Variants in ZNF680 observed in about 807,000 individuals in gnomAD.
ZNF680 encodes zinc finger protein 680, also known as hypothetical protein FLJ90430.
A neutral mutation model predicts 12.1 loss-of-function variants in ZNF680; 6 were observed. The ratio of observed to expected loss-of-function variants is 0.49; its 90% confidence interval spans 0.27 to 0.98. The LOEUF (loss-of-function observed/expected upper bound fraction) is 0.98. Ranked by LOEUF, ZNF680 falls within the 50% of genes least tolerant of loss-of-function variation. The pLI is 0.12. For missense variants in ZNF680, 561 were observed against 616.3 expected (o/e 0.91, Z 0.95); for synonymous variants, 170 against 199.3 (o/e 0.85, Z 1.24).
chr7:64,505,414 A>C, the ZNF680 span, among the ~76,000 whole-genome samples: 2 of 152,240 alleles, frequency 1.3e-5, no homozygotes, highest in African/African-American at 4.8e-5. Context: ...AAGGTATTTC[A>C]ATTGTAAAAA....
chr7:64,561,775 A>T (rs1329784117), intron 1 of ZNF680, among the ~76,000 whole-genome samples: 1 of 150,804 alleles, frequency 6.6e-6, no homozygotes, highest in Non-Finnish European at 1.5e-5. Flanking sequence ...CCTACTAAAA[A>T]TACAAAAAAA....
chr7:64,501,041 GAAT>G, the ZNF680 span: 1 of 735,398 alleles, frequency 1.4e-6, no homozygotes, highest in Admixed American at 2.0e-5. Flanking sequence ...GAGAAGGGCA[GAAT>G]AATTGCTGGC....
chr7:64,537,203 C>A (rs569481467), intron 3 of ZNF680, among the ~76,000 whole-genome samples: 1 of 152,254 alleles, frequency 6.6e-6, no homozygotes, highest in Non-Finnish European at 1.5e-5. Context: ...ATGAAACACA[C>A]AGGCTGGGTG....
chr7:64,532,491 C>T (rs1785941781), intron 3 of ZNF680, among the ~76,000 whole-genome samples: 1 of 151,902 alleles, frequency 6.6e-6, no homozygotes, highest in Non-Finnish European at 1.5e-5. Flanking sequence ...ACCCTCCTAC[C>T]CTGAACAGAC....
chr7:64,551,546 G>A (rs889684165), intron 1 of ZNF680: 2 of 158,602 alleles, frequency 1.3e-5, no homozygotes, highest in African/African-American at 2.4e-5. Flanking sequence ...GGCCTCCTGG[G>A]TAGGAATGCA....
chr7:64,506,046 T>G, the ZNF680 span, among the ~76,000 whole-genome samples: 1 of 152,164 alleles, frequency 6.6e-6, no homozygotes, highest in Non-Finnish European at 1.5e-5. Context: ...TGACCTAATT[T>G]TATGAGTAAT....
chr7:64,511,990 C>T, the ZNF680 span, among the ~76,000 whole-genome samples: 4 of 150,386 alleles, frequency 2.7e-5, no homozygotes, highest in Admixed American at 6.6e-5. Flanking sequence ...CCCTGGGAGG[C>T]GGAGGTTGCA....
the ZNF680 span, among the ~76,000 whole-genome samples, chr7:64,510,388 A>C: frequency 1.3e-5 from 2 of 152,084 alleles, no homozygotes; most frequent in Non-Finnish European, 2.9e-5. Flanking sequence ...CTTTAGTAAA[A>C]ACACCTACCT....
At chr7:64,507,085 G>A in the ZNF680 span, among the ~76,000 whole-genome samples, 1 of 152,142 alleles carries the variant, frequency 6.6e-6, no homozygotes, top group East Asian at 1.9e-4. Context: ...TAAAAATGTG[G>A]TATAAACAAT....
At chr7:64,511,157 C>G in the ZNF680 span, among the ~76,000 whole-genome samples, 1 of 151,784 alleles carries the variant, frequency 6.6e-6, no homozygotes, top group Non-Finnish European at 1.5e-5. Flanking sequence ...GTAATCCCAG[C>G]TACTTGGGAG....
chr7:64,528,144 G>A (rs1174655675), intron 3 of ZNF680, among the ~76,000 whole-genome samples: 1 of 152,104 alleles, frequency 6.6e-6, no homozygotes. Context: ...CAGCAGAAAA[G>A]GCCCTAGGAG....
chr7:64,502,679 C>T, the ZNF680 span, among the ~76,000 whole-genome samples: 1 of 152,116 alleles, frequency 6.6e-6, no homozygotes, highest in Non-Finnish European at 1.5e-5. Flanking sequence ...CTTTATTAAA[C>T]CAGAAATTTG....
rs3217570 is a variant in ZNF680 at position 64,544,439 on chromosome 7, AACACACACAC to A, written c.31-17_31-8del. The A allele has an allele frequency of 2.2e-5, 34 of 1,535,620 alleles. No individual in the cohort carries two copies. The highest frequency in any genetic ancestry group is 5.7e-5 in the African/African-American group (4 of 70,216). ...CCCTAAATGTCAGTGGTCCCTGAAA[AACACACACAC>A]ACACACACACACACACACACACTTA... is the stretch of plus-strand genomic sequence containing the variant. On this transcript the variant is annotated splice_region_variant and splice_polypyrimidine_tract_variant and intron_variant, in intron 1 of 3. Coordinates refer to ENST00000309683, the MANE Select transcript of ZNF680 (RefSeq NM_178558.5).
the ZNF680 span, chr7:64,501,482 G>C: frequency 2.3e-6 from 2 of 852,094 alleles, no homozygotes; most frequent in Non-Finnish European, 4.0e-6. Flanking sequence ...AAAAGGAACA[G>C]AGCAAACAAG....
Position 64,521,791 on chromosome 7 carries a change from G to A in ZNF680, c.963C>T (p.Pro321=). Residue 321 remains proline, a synonymous_variant, in exon 4 of 4, where the codon CCC becomes CCT. Coordinates refer to ENST00000309683, the MANE Select transcript of ZNF680 (RefSeq NM_178558.5). ...CTTTGCCACATTCTTCACATTTGAA[G>A]GGTTTCTCTCCAGTATGAATTCTCT... ...NHKRIHTGEK[P]FKCEECGKDF... 6.2e-7 allele frequency: 1 copy of A among 1,612,998 alleles called. No homozygotes were observed. The highest frequency in any genetic ancestry group is 8.5e-7 in the Non-Finnish European group (1 of 1,179,668).
At chr7:64,501,874 C>G in the ZNF680 span, 1 of 504,714 alleles carries the variant, frequency 2.0e-6, no homozygotes, top group Non-Finnish European at 3.7e-6. Context: ...TTCATATTGC[C>G]CTGCACCTAG....
In ZNF680 at chr7:64,522,397, A is replaced by G. The variant is rs537372300; in HGVS notation, c.357T>C (p.Asn119=). The change falls in exon 4 of 4, where the codon AAT becomes AAC. Residue 119 remains asparagine (N), a synonymous_variant. Transcript: ENST00000309683. The stretch of plus-strand genomic sequence containing the variant: ...TTTTACAACTTATTCTTAATTGTAA[A>G]TTCTCATGTCCACATTTTCCATATC... ...LRGYGKCGHE[N]LQLRISCKSV... The G allele has an allele frequency of 1.3e-4, 209 of 1,612,076 alleles. 2 individuals are homozygous for G. In the South Asian group the frequency reaches 2.2e-3, roughly 17 times the overall value.
chr7:64,529,745 C>T (rs1283700490), intron 3 of ZNF680, among the ~76,000 whole-genome samples: 3 of 152,150 alleles, frequency 2.0e-5, no homozygotes, highest in Non-Finnish European at 1.5e-5. Context: ...CCGAGAAAAG[C>T]TTCCTCAGCC....
intron 3 of ZNF680, among the ~76,000 whole-genome samples, chr7:64,541,434 T>C (rs1224659327): frequency 6.6e-6 from 1 of 152,152 alleles, no homozygotes; most frequent in Non-Finnish European, 1.5e-5. Flanking sequence ...ATGTGAGCCA[T>C]GGCTCACACC....
Sources: allele counts gnomAD v4.1 joint callset (sites outside exome capture counted in the v4.1 genomes callset), GRCh38; gene constraint gnomAD v4.1.1; transcripts MANE v1.5; gene names NCBI Gene and HGNC (gene_info 2026-07-23, HGNC 2026-07-21).